The following MBD5 variants were observed in gnomAD, a reference collection of about 807,000 sequenced individuals.
MBD5 encodes methyl-CpG binding domain protein 5, also known as methyl-CpG-binding domain protein 5.
MBD5 carries 13 observed loss-of-function variants against 117.3 expected under a neutral mutation model. That is an observed-to-expected ratio of 0.11 (90% CI 0.07 to 0.18). The LOEUF (loss-of-function observed/expected upper bound fraction) is 0.18, where lower values mean the gene tolerates loss of function less well. MBD5 is among the 10% of genes least tolerant of loss of function. The pLI is 1.00. For synonymous variants in MBD5, 727 were observed against 766.4 expected, an observed-to-expected ratio of 0.95 and a Z score of 0.85; for missense variants, 1,879 against 2,093.8, an observed-to-expected ratio of 0.90 and a Z score of 2.00.
At chr2:148,210,082 G>A (rs750586281) in intron 2 of MBD5, among the ~76,000 whole-genome samples, 3 of 152,078 alleles carry the variant, frequency 2.0e-5, no homozygotes, top group Non-Finnish European at 4.4e-5. Context: ...ATTCTAATGT[G>A]GACTTTAGGA....
chr2:148,461,803 T>G (rs540427738), intron 5 of MBD5, among the ~76,000 whole-genome samples: 2 of 152,342 alleles, frequency 1.3e-5, no homozygotes, highest in East Asian at 3.9e-4. Flanking sequence ...TCTGTATTGA[T>G]GAATATTCAC....
At chr2:148,282,381 A>G (rs1701267779) in intron 3 of MBD5, among the ~76,000 whole-genome samples, 1 of 152,056 alleles carries the variant, frequency 6.6e-6, no homozygotes, top group Admixed American at 6.6e-5. Context: ...TCCAGACTCA[A>G]ATTGGATGGA....
intron 3 of MBD5, among the ~76,000 whole-genome samples, chr2:148,265,421 T>C (rs879407961): frequency 5.9e-5 from 9 of 152,312 alleles, no homozygotes; most frequent in Admixed American, 1.3e-4. Flanking sequence ...CATCTTTCTA[T>C]GGCAATTTTA....
chr2:148,489,932 C>A lies in MBD5; in HGVS notation c.4300C>A (p.Gln1434Lys). The change falls in exon 11 of 14, where the codon CAA becomes AAA. Residue 1434 changes from glutamine (Q) to lysine (K), a missense_variant. Physicochemically the swap from Gln to Lys is moderately conservative, Grantham distance 53. Coordinates refer to ENST00000642680, the MANE Select transcript of MBD5 (RefSeq NM_001378120.1). The stretch of plus-strand genomic sequence containing the variant: ...ATCCAAAAAACAGTGGGACGGGGAG[C>A]AAAGCCCCAGAGGGGAGCGAAACAG... ...HTSKKQWDGE[Q>K]SPRGERNRWK... The A allele has an allele frequency of 6.2e-7, 1 of 1,613,962 alleles. No individual in the cohort carries two copies. Among genetic ancestry groups the A allele is most frequent in the South Asian group, 1.1e-5 (1 of 91,060 alleles).
At chr2:148,288,055 A>AT (rs147751432) in intron 3 of MBD5, among the ~76,000 whole-genome samples, 16,906 of 151,936 alleles carry the variant, frequency 0.11, 1,230 homozygotes, top group South Asian at 0.19. Context: ...GTACCATGAA[A>AT]GTGTGTGTTA....
chr2:148,387,382 A>G (rs1704405612), intron 4 of MBD5, among the ~76,000 whole-genome samples: 1 of 152,154 alleles, frequency 6.6e-6, no homozygotes, highest in Non-Finnish European at 1.5e-5. Flanking sequence ...ACCTCTTTGC[A>G]AAATAGAAAG....
At chr2:148,144,088 C>T (rs1488247045) in intron 1 of MBD5, among the ~76,000 whole-genome samples, 5 of 152,182 alleles carry the variant, frequency 3.3e-5, no homozygotes, top group African/African-American at 1.2e-4. Flanking sequence ...TCCTATTTCT[C>T]CACATCCTCT....
intron 2 of MBD5, among the ~76,000 whole-genome samples, chr2:148,229,953 AC>A (rs2106131612): frequency 1.3e-5 from 2 of 152,188 alleles, no homozygotes; most frequent in East Asian, 3.9e-4. Context: ...TTGTGACATA[AC>A]CACCTCTGTG....
chr2:148,389,219 G>C (rs1170096804), intron 4 of MBD5, among the ~76,000 whole-genome samples: 1 of 84,796 alleles, frequency 1.2e-5, no homozygotes, highest in African/African-American at 4.4e-5. Flanking sequence ...GTGTGTGTGT[G>C]TGTGTAATGT....
chr2:148,437,778 A>G (rs1268820615), intron 4 of MBD5, among the ~76,000 whole-genome samples: 1 of 152,148 alleles, frequency 6.6e-6, no homozygotes, highest in Non-Finnish European at 1.5e-5. Context: ...AAATATATAA[A>G]CACATATTAC....
At chr2:148,461,630 C>A in intron 5 of MBD5, among the ~76,000 whole-genome samples, 1 of 152,266 alleles carries the variant, frequency 6.6e-6, no homozygotes, top group East Asian at 1.9e-4. Flanking sequence ...AAAAGATATT[C>A]TCAAGTGAAA....
At chr2:148,059,014 T>C (rs1351839752) in intron 1 of MBD5, among the ~76,000 whole-genome samples, 2 of 152,280 alleles carry the variant, frequency 1.3e-5, no homozygotes, top group Non-Finnish European at 2.9e-5. Context: ...AGCTTGCACA[T>C]AGTTTTTTTT....
rs528451411 is a variant in MBD5, at chr2:148,485,549, A to T, written c.3545-193A>T. Reference sequence around the variant, plus strand: ...ATGATGTAAAATTAAAAAACTAATTATACAAGATAAAACTAAATAATAAAG... The same window carrying T: ...ATGATGTAAAATTAAAAAACTAATTTTACAAGATAAAACTAAATAATAAAG... On this transcript the variant is annotated intron_variant, in intron 9 of 13. Coordinates refer to ENST00000642680, the MANE Select transcript of MBD5 (RefSeq NM_001378120.1). 3 of 587,424 alleles carry T rather than the reference A, an allele frequency of 5.1e-6. No homozygotes were observed. The South Asian group carries it at 6.4e-5, about 12-fold the overall frequency. 36.4% of individuals were successfully genotyped at this position (587,424 alleles called of 1,614,324 possible).
intron 3 of MBD5, among the ~76,000 whole-genome samples, chr2:148,294,033 T>C (rs957678115): frequency 6.6e-6 from 1 of 152,132 alleles, no homozygotes; most frequent in Non-Finnish European, 1.5e-5. Flanking sequence ...CTGCCCCTTT[T>C]TGTTTTCTTC....
chr2:148,436,325 C>G (rs959911030), intron 4 of MBD5, among the ~76,000 whole-genome samples: 1 of 152,078 alleles, frequency 6.6e-6, no homozygotes, highest in Non-Finnish European at 1.5e-5. Context: ...TAAAAAACAT[C>G]TTTATAAATT....
chr2:148,468,332 T>C lies in MBD5; in HGVS notation c.398-9T>C. ...GTTAACAGAATTCTTTTTTTCTCTT[T>C]CACATCAGATGCAACTCCAGTAGTA... On this transcript the variant is annotated splice_polypyrimidine_tract_variant and intron_variant, in intron 7 of 13. Transcript: ENST00000642680. The C allele has an allele frequency of 1.9e-6, 3 of 1,612,334 alleles. No homozygotes were observed. Among genetic ancestry groups the C allele is most frequent in the Non-Finnish European group, 1.7e-6 (2 of 1,178,794 alleles).
intron 4 of MBD5, among the ~76,000 whole-genome samples, chr2:148,362,215 G>A (rs1217742930): frequency 2.6e-5 from 4 of 152,172 alleles, no homozygotes; most frequent in South Asian, 4.1e-4. Flanking sequence ...CCCACAGAGC[G>A]CAGCAAGCTA....
Position 148,366,849 on chromosome 2 carries a change from A to T in MBD5, c.-557+24513A>T, listed in dbSNP as rs1157742031. Among the ~76,000 whole-genome samples, 3 of 152,220 alleles carry T rather than the reference A, an allele frequency of 2.0e-5. No homozygotes were observed. The East Asian group carries it at 5.8e-4, about 29-fold the overall frequency. On this transcript the variant is annotated intron_variant, in intron 4 of 13. Coordinates refer to ENST00000642680, the MANE Select transcript of MBD5 (RefSeq NM_001378120.1). ...GAGAGGACACAAACAAATGGAAAAC[A>T]TTCCATGCTCATGGATAGGAAGAAT...
intron 3 of MBD5, among the ~76,000 whole-genome samples, chr2:148,308,487 CTTTCTTTT>C (rs1559015653): frequency 3.6e-5 from 1 of 27,696 alleles, no homozygotes; most frequent in Non-Finnish European, 9.6e-5. Context: ...TGATGGGGTT[CTTTCTTTT>C]TTTTTTTTTT....
Sources: allele counts gnomAD v4.1 joint callset (sites outside exome capture counted in the v4.1 genomes callset), GRCh38; gene constraint gnomAD v4.1.1; transcripts MANE v1.5; gene names NCBI Gene and HGNC (gene_info 2026-07-23, HGNC 2026-07-21).